The following ACP3 variants were observed in gnomAD, a reference collection of about 807,000 sequenced individuals.
ACP3 encodes acid phosphatase 3.
Under a neutral mutation model 45.6 loss-of-function variants are expected in ACP3, and 38 were observed. The ratio of observed to expected loss-of-function variants is 0.83; its 90% CI spans 0.64 to 1.09. ACP3 has a LOEUF of 1.09. ACP3 is among the 50% of genes least tolerant of loss of function. The pLI is 0.00. For synonymous variants in ACP3, 162 were observed against 164.7 expected (o/e 0.98, Z 0.13); for missense variants, 466 against 463.2 (o/e 1.01, Z -0.05).
chr3:132,356,845 C>T lies in ACP3; in HGVS notation c.1128C>T (p.Asn376=). 2 of 1,614,102 alleles carry T rather than the reference C, an allele frequency of 1.2e-6. No homozygotes were observed. The highest frequency in any genetic ancestry group is 1.7e-6 in the Non-Finnish European group (2 of 1,180,018). ...GGTCCACGGAGTGTATGACCACAAACAGCCATCAAGGTACTGAAGACAGTA... is the reference window on the plus strand; with the variant it reads ...GGTCCACGGAGTGTATGACCACAAATAGCCATCAAGGTACTGAAGACAGTA... ...QDWSTECMTT[N]SHQGTEDSTD is the part of the protein sequence containing the mutation. The change falls in exon 10 of 10, where the codon AAC becomes AAT. Residue 376 remains asparagine, a synonymous_variant. Transcript: ENST00000336375.
At chr3:132,363,795 G>C (rs888456654), downstream of ACP3, among the ~76,000 whole-genome samples, 6 of 152,026 alleles carry the variant, frequency 3.9e-5, no homozygotes, top group African/African-American at 1.4e-4. Context: ...AAATTGGCCG[G>C]GCATGGTGGC....
chr3:132,358,195 C>A lies in ACP3; in HGVS notation c.*1317C>A. 9.6e-7 allele frequency: 1 copy of A among 1,040,286 alleles called. No homozygotes were observed. Among genetic ancestry groups the A allele is most frequent in the Non-Finnish European group, 1.2e-6 (1 of 848,458 alleles). 64.4% of individuals were successfully genotyped at this position (1,040,286 alleles called of 1,614,324 possible). A position where few individuals can be genotyped will look rare whatever the true frequency, so the allele number is the denominator to read the frequency against. On this transcript the variant is annotated 3_prime_UTR_variant, in exon 10 of 10. Transcript: ENST00000336375. ...ACTTTAGGCCTGGTGTGTTCAAGAC[C>A]AGCCTGGTCAACATAGTGAGACACT...
chr3:132,327,840 A>T (rs1937326467), intron 1 of ACP3, among the ~76,000 whole-genome samples: 1 of 152,108 alleles, frequency 6.6e-6, no homozygotes, highest in African/African-American at 2.4e-5. Context: ...TTAAGGGAAG[A>T]ATACTTCTCA....
In ACP3 at chr3:132,356,951, G is replaced by A; in HGVS notation, c.*73G>A. The A allele has an allele frequency of 4.6e-6, 7 of 1,513,702 alleles. No individual in the cohort carries two copies. The highest frequency in any genetic ancestry group is 6.2e-6 in the Non-Finnish European group (7 of 1,130,686). The allele number at this position is 1,513,702 out of a possible 1,614,324, so 93.8% of individuals were successfully genotyped here. On this transcript the variant is annotated 3_prime_UTR_variant, in exon 10 of 10. Coordinates refer to ENST00000336375, the MANE Select transcript of ACP3 (RefSeq NM_001099.5). Reference sequence around the variant, plus strand: ...AGATGATGCTTTGAGAACATACTTTGGCCATTACCCCCAGCTTTGAGGAAA... The same window carrying A: ...AGATGATGCTTTGAGAACATACTTTAGCCATTACCCCCAGCTTTGAGGAAA...
chr3:132,337,555 G>T lies in ACP3; in HGVS notation c.555+1G>T. On this transcript the variant is annotated splice_donor_variant, in intron 5 of 9. Coordinates refer to ENST00000336375, the MANE Select transcript of ACP3 (RefSeq NM_001099.5). LOFTEE classifies it high-confidence loss of function. ...CCAGAAGAGGCTGCACCCTTATAAG[G>T]TTAAAAGCTAGTTTTGTTTAGTGGT... 6.3e-7 allele frequency: 1 copy of T among 1,585,556 alleles called. No homozygotes were observed. Among genetic ancestry groups the T allele is most frequent in the Non-Finnish European group, 8.6e-7 (1 of 1,158,262 alleles).
At chr3:132,362,972 C>A (rs528716577), downstream of ACP3, among the ~76,000 whole-genome samples, 1 of 152,114 alleles carries the variant, frequency 6.6e-6, no homozygotes, top group South Asian at 2.1e-4. Flanking sequence ...ATTACCTGTA[C>A]GAGATCTCTT....
downstream of ACP3, among the ~76,000 whole-genome samples, chr3:132,359,319 T>C (rs368934715): frequency 6.6e-6 from 1 of 152,110 alleles, no homozygotes; most frequent in Non-Finnish European, 1.5e-5. Flanking sequence ...GAGACCATCC[T>C]GGCTAACACG....
At chr3:132,349,721 G>A (rs1179854873) in intron 7 of ACP3, among the ~76,000 whole-genome samples, 199 bp from the exon 8 acceptor site, 1 of 151,614 alleles carries the variant, frequency 6.6e-6, no homozygotes, top group East Asian at 1.9e-4. Context: ...GGGTTGAGAC[G>A]TAGGATTCAG....
intron 4 of ACP3, among the ~76,000 whole-genome samples, chr3:132,336,645 C>G (rs1937496121): frequency 6.6e-6 from 1 of 152,158 alleles, no homozygotes; most frequent in African/African-American, 2.4e-5. Context: ...AGGCAGGGAA[C>G]AGTTTTATGC....
At chr3:132,356,548 C>A (rs990366761) in intron 9 of ACP3, 138 bp from the exon 10 acceptor site, 42 of 1,517,996 alleles carry the variant, frequency 2.8e-5, no homozygotes, top group Non-Finnish European at 3.4e-5. Flanking sequence ...ATTTACACAC[C>A]TAAATTGGCT....
intron 4 of ACP3, 90 bp from the exon 5 acceptor site, chr3:132,337,366 G>C (rs1482556813): frequency 6.4e-6 from 5 of 776,314 alleles, no homozygotes; most frequent in African/African-American, 1.7e-5. Flanking sequence ...AGGTTGCTTT[G>C]AACCTAATGA....
Position 132,367,742 on chromosome 3 carries a change from TC to T in ACP3, c.1178del (p.Ser393LeufsTer4). On this transcript the variant is annotated frameshift_variant, in exon 11 of 11. Coordinates refer to the ACP3 transcript ENST00000351273. LOFTEE classifies it high-confidence loss of function. ...CTTTGCTGTTGCCTTTTGCCTGATATCTGCTGTCCTAATGGTACTACTGTTT... is the reference window on the plus strand; with the variant it reads ...CTTTGCTGTTGCCTTTTGCCTGATATTGCTGTCCTAATGGTACTACTGTTT... 1.2e-6 allele frequency: 2 copies of T among 1,613,898 alleles called. No individual in the cohort carries two copies. Among genetic ancestry groups the T allele is most frequent in the South Asian group, 2.2e-5 (2 of 91,084 alleles).
intron 4 of ACP3, among the ~76,000 whole-genome samples, chr3:132,332,872 C>T (rs1237913845): frequency 1.3e-5 from 2 of 152,176 alleles, no homozygotes; most frequent in Non-Finnish European, 2.9e-5. Flanking sequence ...AATATTCTTG[C>T]TCTCCTTTTA....
rs1937129709 is a variant in ACP3 at position 132,317,476 on chromosome 3, T to G, written c.20T>G (p.Leu7Arg). 2 of 1,613,444 alleles carry G rather than the reference T, an allele frequency of 1.2e-6. No homozygotes were observed. The highest frequency in any genetic ancestry group is 2.7e-5 in the African/African-American group (2 of 75,050). MRAAPL[L>R]LARAASLSLG... ...CTCAACATGAGAGCTGCACCCCTCC[T>G]CCTGGCCAGGGCAGCAAGCCTTAGC... is the stretch of plus-strand genomic sequence containing the variant. Residue 7 changes from leucine to arginine, a missense_variant, in exon 1 of 10, where the codon CTC becomes CGC. Leu to Arg is a moderately radical substitution (Grantham distance 102, BLOSUM62 -2). Coordinates refer to ENST00000336375, the MANE Select transcript of ACP3 (RefSeq NM_001099.5).
At chr3:132,351,241 G>A (rs908073919) in intron 8 of ACP3, among the ~76,000 whole-genome samples, 1 of 152,218 alleles carries the variant, frequency 6.6e-6, no homozygotes, top group African/African-American at 2.4e-5. Flanking sequence ...ACATTTGGGA[G>A]TAGAAAGAAA....
At chr3:132,341,844 T>G (rs1459951160) in intron 5 of ACP3, among the ~76,000 whole-genome samples, 1 of 152,198 alleles carries the variant, frequency 6.6e-6, no homozygotes, top group East Asian at 1.9e-4. Context: ...TCCCTAGAAA[T>G]TTCATCCATC....
At chr3:132,365,748 AGGTGGTGGTG>A (rs137904226) in intron 10 of ACP3, among the ~76,000 whole-genome samples, 18,891 of 152,098 alleles carry the variant, frequency 0.12, 1,375 homozygotes, top group Non-Finnish European at 0.18. Flanking sequence ...TGGGAGGTGC[AGGTGGTGGTG>A]GGTGGATCAC....
rs139626973 is a variant in ACP3, at chr3:132,349,231, C to A, written c.782-689C>A. 2.6e-5 allele frequency among the ~76,000 whole-genome samples: 4 copies of A among 152,300 alleles called. No homozygotes were observed. The South Asian group carries it at 6.2e-4, about 24-fold the overall frequency. ...CTGTCTTTCACCACCTCAGGAGCAA[C>A]AGCAGTTAGGTGTTCAGATGTGAAG... On this transcript the variant is annotated intron_variant, in intron 7 of 9. Transcript: ENST00000336375.
intron 6 of ACP3, among the ~76,000 whole-genome samples, chr3:132,343,648 T>G (rs535973084): frequency 3.2e-4 from 49 of 150,968 alleles, no homozygotes; most frequent in Non-Finnish European, 6.0e-4. Context: ...CACTTTGGTC[T>G]CCTCTTTCAC....
Sources: allele counts gnomAD v4.1 joint callset (sites outside exome capture counted in the v4.1 genomes callset), GRCh38; gene constraint gnomAD v4.1.1; transcripts MANE v1.5; gene names NCBI Gene and HGNC (gene_info 2026-07-23, HGNC 2026-07-21).